Variants in PCMT1 observed in about 807,000 individuals in gnomAD.
PCMT1 encodes protein-L-isoaspartate (D-aspartate) O-methyltransferase.
Under a neutral mutation model 29.2 loss-of-function variants are expected in PCMT1, and 9 were observed. The observed-to-expected ratio is 0.31, with a 90% CI of 0.19 to 0.54. The LOEUF (loss-of-function observed/expected upper bound fraction) is 0.54, where lower values mean the gene tolerates loss of function less well. Among genes scored for constraint, PCMT1 ranks in the 20% least tolerant of loss-of-function variants. The pLI is 0.95. For missense variants in PCMT1, 184 were observed against 282.2 expected (o/e 0.65, Z 2.49); for synonymous variants, 98 against 97.5 (o/e 1.00, Z -0.03).
chr6:149,762,912 G>GAT (rs1175911342), intron 1 of PCMT1, among the ~76,000 whole-genome samples: 2 of 48,818 alleles, frequency 4.1e-5, no homozygotes, highest in Non-Finnish European at 5.6e-5. Flanking sequence ...ATATATCTAT[G>GAT]ATATATATAT....
chr6:149,788,371 A>G (rs1010728119), intron 3 of PCMT1, among the ~76,000 whole-genome samples: 2 of 152,228 alleles, frequency 1.3e-5, no homozygotes, highest in African/African-American at 4.8e-5. Context: ...AGGAAAAGAA[A>G]ATAGTAGATT....
chr6:149,767,604 C>T (rs2115241560), intron 1 of PCMT1, among the ~76,000 whole-genome samples: 1 of 152,080 alleles, frequency 6.6e-6, no homozygotes, highest in East Asian at 1.9e-4. Context: ...AGGTATGCGT[C>T]ACTACGTCCA....
At chr6:149,779,998 T>C (rs1351184388) in intron 3 of PCMT1, among the ~76,000 whole-genome samples, 2 of 152,254 alleles carry the variant, frequency 1.3e-5, no homozygotes, top group Non-Finnish European at 2.9e-5. Context: ...AGTTACTTCA[T>C]GGCAAAAGAT....
At chr6:149,795,494 TC>T (rs1371604451) in intron 5 of PCMT1, 3 of 410,358 alleles carry the variant, frequency 7.3e-6, no homozygotes, top group African/African-American at 6.3e-5. Context: ...TGTAGACCCA[TC>T]CGTTTCTACT....
intron 3 of PCMT1, among the ~76,000 whole-genome samples, chr6:149,776,406 C>A (rs868096857): frequency 2.1e-4 from 32 of 151,880 alleles, no homozygotes; most frequent in Admixed American, 7.2e-4. Context: ...TGTGCACTAC[C>A]ATGCCCGGCT....
chr6:149,790,516 C>CTT (rs80356200), intron 4 of PCMT1, among the ~76,000 whole-genome samples: 2,268 of 137,192 alleles, frequency 0.017, 64 homozygotes, highest in African/African-American at 0.049. Context: ...GTTTTCTTTT[C>CTT]TTTTTTTTTT....
chr6:149,755,980 T>C (rs1256732364), intron 1 of PCMT1, among the ~76,000 whole-genome samples: 6 of 152,006 alleles, frequency 3.9e-5, no homozygotes, highest in African/African-American at 9.7e-5. Context: ...GCAGAAGAAA[T>C]AGCGAATTCC....
Position 149,810,688 on chromosome 6 carries a change from G to T in PCMT1, c.*110G>T. 7.2e-7 allele frequency: 1 copy of T among 1,384,754 alleles called. No homozygotes were observed. The highest frequency in any genetic ancestry group is 1.4e-5 in the African/African-American group (1 of 69,734). The allele number at this position is 1,384,754 out of a possible 1,614,324, so 85.8% of individuals were successfully genotyped here. A position where few individuals can be genotyped will look rare whatever the true frequency, so the allele number is the denominator to read the frequency against. On this transcript the variant is annotated 3_prime_UTR_variant, in exon 8 of 8. Transcript: ENST00000464889. ...TGGATTGCTCATCTCAGTCCTCAAA[G>T]CTTTTTGAAAACCAACACCATCACA...
intron 5 of PCMT1, 94 bp downstream of exon 5, chr6:149,793,763 A>G (rs1788484050): frequency 8.3e-6 from 9 of 1,090,616 alleles, no homozygotes; most frequent in Non-Finnish European, 9.8e-6. Context: ...TAATTATTGT[A>G]TTTTTTTTTA....
chr6:149,775,373 A>AT (rs1787520700), intron 3 of PCMT1, among the ~76,000 whole-genome samples: 1 of 152,274 alleles, frequency 6.6e-6, no homozygotes, highest in African/African-American at 2.4e-5. Flanking sequence ...CATATCTAGG[A>AT]TTTTTGCGGA....
intron 1 of PCMT1, among the ~76,000 whole-genome samples, chr6:149,756,512 CTTTTTTTTTTTT>C (rs61038108): frequency 1.3e-3 from 99 of 74,726 alleles, no homozygotes; most frequent in African/African-American, 4.2e-3. Flanking sequence ...CCATGACTGG[CTTTTTTTTTTTT>C]TTTTTTTTTT....
rs1189480544 is a variant in PCMT1, at chr6:149,787,369, AT to A, written c.193-2570del. Among the ~76,000 whole-genome samples the A allele has an allele frequency of 3.0e-3, 417 of 140,786 alleles. 1 individual carries two copies. The highest frequency in any genetic ancestry group is 6.2e-3 in the African/African-American group (234 of 37,978). 92.4% of individuals were successfully genotyped at this position (140,786 alleles called of 152,430 possible). ...TGTTTTCATTGATAAAATAGTTATA[AT>A]TTTTTTTTTTTTTTGAGACGGAATC... On this transcript the variant is annotated intron_variant, in intron 3 of 7. Transcript: ENST00000464889.
chr6:149,766,982 G>A (rs1787110818), intron 1 of PCMT1, among the ~76,000 whole-genome samples: 1 of 152,074 alleles, frequency 6.6e-6, no homozygotes, highest in Non-Finnish European at 1.5e-5. Context: ...AGGCTGAGGT[G>A]GGTGGATCAC....
chr6:149,792,552 A>T (rs913459661), intron 4 of PCMT1, among the ~76,000 whole-genome samples: 5 of 152,030 alleles, frequency 3.3e-5, no homozygotes, highest in Non-Finnish European at 7.4e-5. Flanking sequence ...TCAGTCTGTC[A>T]TCCAGGCTGG....
intron 1 of PCMT1, among the ~76,000 whole-genome samples, chr6:149,751,385 C>T (rs993591088): frequency 1.5e-4 from 23 of 151,830 alleles, no homozygotes; most frequent in Non-Finnish European, 2.2e-4. Context: ...TCATAAATGC[C>T]CATTAAATGT....
intron 7 of PCMT1, among the ~76,000 whole-genome samples, chr6:149,805,384 G>T (rs1361572522): frequency 6.6e-6 from 1 of 151,766 alleles, no homozygotes; most frequent in Non-Finnish European, 1.5e-5. Flanking sequence ...ACAAGGTCAG[G>T]AGATCGAGAC....
At chr6:149,802,599 C>T in intron 7 of PCMT1, 183 bp downstream of exon 7, 1 of 832,712 alleles carries the variant, frequency 1.2e-6, no homozygotes, top group Non-Finnish European at 1.6e-6. Context: ...ACTTGGTTGG[C>T]ACAAAGGCTT....
At chr6:149,752,492 C>A (rs1403104780) in intron 1 of PCMT1, among the ~76,000 whole-genome samples, 3 of 152,132 alleles carry the variant, frequency 2.0e-5, no homozygotes, top group Admixed American at 2.0e-4. Flanking sequence ...AGCCACCACG[C>A]CCAGCCTAGA....
intron 2 of PCMT1, chr6:149,772,706 T>G: frequency 2.5e-6 from 1 of 402,220 alleles, no homozygotes; most frequent in East Asian, 7.3e-5. Context: ...TTTCTTGAGA[T>G]CATAAAAACT....
Sources: gnomAD v4.1 joint callset for allele counts (sites outside exome capture counted in the v4.1 genomes callset) on GRCh38, gnomAD v4.1.1 for gene constraint, MANE v1.5 for transcripts, NCBI Gene and HGNC (gene_info 2026-07-23, HGNC 2026-07-21) for gene names.